The following LY75 variants were observed in gnomAD, a reference collection of about 807,000 sequenced individuals.
LY75 encodes C-type lectin domain family 13 member B.
LY75 carries 185 observed loss-of-function variants against 231.7 expected under a neutral mutation model. The ratio of observed to expected loss-of-function variants is 0.80; its 90% CI spans 0.71 to 0.90. The LOEUF (loss-of-function observed/expected upper bound fraction) is 0.90, where lower values mean the gene tolerates loss of function less well. Among genes scored for constraint, LY75 ranks in the 40% least tolerant of loss-of-function variants. LY75 has a pLI of 0.00. For missense variants in LY75, 1,947 were observed against 2,050.2 expected (o/e 0.95, Z 0.97); for synonymous variants, 668 against 689.0 (o/e 0.97, Z 0.48).
chr2:159,888,619 A>G (rs1685663948), intron 4 of LY75, among the ~76,000 whole-genome samples: 1 of 152,222 alleles, frequency 6.6e-6, no homozygotes, highest in South Asian at 2.1e-4. Context: ...ATAGTGTGAC[A>G]GAATGCATCT....
At position 159,835,491 on chromosome 2, in the gene LY75, T is replaced by C. The variant is rs781385618; in HGVS notation, c.3662A>G (p.Tyr1221Cys). The C allele has an allele frequency of 6.2e-7, 1 of 1,605,598 alleles. No homozygotes were observed. The highest frequency in any genetic ancestry group is 8.5e-7 in the Non-Finnish European group (1 of 1,177,084). The change falls in exon 26 of 35, where the codon TAC (tyrosine) becomes TGC (cysteine). Residue 1221 changes from tyrosine to cysteine, a missense_variant. Physicochemically the swap from Tyr to Cys is radical, Grantham distance 194. Coordinates refer to ENST00000263636, the MANE Select transcript of LY75 (RefSeq NM_002349.4). ...TGAAATTCACATACTTCCTGAATAG[T>C]AGCAAATAGCACCTGGTTGATTGTC... is the stretch of plus-strand genomic sequence containing the variant. ...CNDNQPGAIC[Y>C]YSGNETEKEV...
At chr2:159,821,513 G>A (rs996473701) in intron 28 of LY75, among the ~76,000 whole-genome samples, 1 of 151,772 alleles carries the variant, frequency 6.6e-6, no homozygotes, top group Non-Finnish European at 1.5e-5. Flanking sequence ...GTACTCAGAA[G>A]GCTGAGGCTG....
At chr2:159,849,946 G>T (rs1222973766) in intron 23 of LY75, 34 bp downstream of exon 23, 6 of 1,601,566 alleles carry the variant, frequency 3.7e-6, no homozygotes, top group Non-Finnish European at 5.1e-6. Flanking sequence ...ATTTCACAGA[G>T]GTATGAAGAG....
At chr2:159,880,935 G>A in intron 8 of LY75, 148 bp downstream of exon 8, 1 of 945,366 alleles carries the variant, frequency 1.1e-6, no homozygotes, top group Non-Finnish European at 1.5e-6. Flanking sequence ...ATTCTTAACA[G>A]GTAATGGTCC....
intron 11 of LY75, among the ~76,000 whole-genome samples, chr2:159,877,500 G>A (rs868538940): frequency 3.3e-5 from 5 of 152,068 alleles, no homozygotes; most frequent in Admixed American, 6.6e-5. Context: ...GGTCCTTTCC[G>A]GCTTAAGTGT....
chr2:159,870,926 ATCTG>A (rs1012953368), intron 13 of LY75, among the ~76,000 whole-genome samples: 1 of 152,032 alleles, frequency 6.6e-6, no homozygotes, highest in African/African-American at 2.4e-5. Context: ...CTCTTTGATA[ATCTG>A]TCTTTTCCTC....
rs893649774 is a variant in LY75 at position 159,803,817 on chromosome 2, C to G, written c.*1227G>C. ...GTTTAGAGTTCCACTGAAAAAGTCT[C>G]ATTTTTACAAATGCAACTCATACAC... On this transcript the variant is annotated 3_prime_UTR_variant, in exon 35 of 35. Coordinates refer to ENST00000263636, the MANE Select transcript of LY75 (RefSeq NM_002349.4). 1 of 152,206 alleles carries G rather than the reference C, an allele frequency of 6.6e-6. No homozygotes were observed. The highest frequency in any genetic ancestry group is 1.5e-5 in the Non-Finnish European group (1 of 68,024). The allele number at this position is 152,206 out of a possible 1,614,324, so 9.4% of individuals were successfully genotyped here.
At chr2:159,898,397 G>A (rs1169349101) in intron 2 of LY75, among the ~76,000 whole-genome samples, 1 of 119,284 alleles carries the variant, frequency 8.4e-6, no homozygotes, top group Admixed American at 1.0e-4. Flanking sequence ...GGGTTTAGAA[G>A]ACCATCATAA....
intron 28 of LY75, among the ~76,000 whole-genome samples, chr2:159,828,557 A>C (rs1184308536): frequency 6.6e-6 from 1 of 152,232 alleles, no homozygotes; most frequent in African/African-American, 2.4e-5. Flanking sequence ...GGAAAATGGT[A>C]TAGCTGGTTT....
At chr2:159,895,084 G>C (rs1214537468) in intron 2 of LY75, among the ~76,000 whole-genome samples, 4 of 152,292 alleles carry the variant, frequency 2.6e-5, no homozygotes, top group African/African-American at 9.6e-5. Flanking sequence ...ATGTCTCACA[G>C]ATTTGCTTAA....
intron 23 of LY75, among the ~76,000 whole-genome samples, chr2:159,845,960 C>T (rs1002506807): frequency 6.7e-6 from 1 of 150,098 alleles, no homozygotes; most frequent in African/African-American, 2.5e-5. Context: ...ATATTGTTTT[C>T]TCTCTCTTTT....
intron 16 of LY75, among the ~76,000 whole-genome samples, chr2:159,855,493 A>G (rs1473523079): frequency 1.3e-5 from 2 of 152,226 alleles, no homozygotes; most frequent in Non-Finnish European, 2.9e-5. Context: ...GAAAATAATT[A>G]AAAGTGACTC....
chr2:159,894,622 T>C (rs962054184), intron 2 of LY75, among the ~76,000 whole-genome samples: 2 of 152,176 alleles, frequency 1.3e-5, no homozygotes, highest in African/African-American at 2.4e-5. Flanking sequence ...GGAGGTAGAA[T>C]TGAGACTGTG....
At chr2:159,828,654 A>G (rs912064413) in intron 28 of LY75, among the ~76,000 whole-genome samples, 1 of 152,246 alleles carries the variant, frequency 6.6e-6, no homozygotes, top group Non-Finnish European at 1.5e-5. Flanking sequence ...AAATGGAAAC[A>G]TATGTCCATG....
In LY75 at chr2:159,854,425, G is replaced by A. The variant is rs749000126; in HGVS notation, c.2530C>T (p.His844Tyr). The A allele has an allele frequency of 1.9e-6, 3 of 1,566,526 alleles. No homozygotes were observed. In the South Asian group the frequency reaches 3.6e-5, roughly 19 times the overall value. ...GATGTTATAGTTGCAAGAAAGCTGTGATTGCTGGCACAGTACAGGACGGCT... is the reference window on the plus strand; with the variant it reads ...GATGTTATAGTTGCAAGAAAGCTGTAATTGCTGGCACAGTACAGGACGGCT... ...EEAVLYCASNHSFLATITSFV... is the reference protein window; with the variant it reads ...EEAVLYCASNYSFLATITSFV... The change falls in exon 18 of 35, where the codon CAC becomes TAC. Residue 844 changes from histidine (H) to tyrosine (Y), a missense_variant. Coordinates refer to ENST00000263636, the MANE Select transcript of LY75 (RefSeq NM_002349.4).
At chr2:159,865,248 T>C (rs1025345944) in intron 13 of LY75, among the ~76,000 whole-genome samples, 3 of 152,300 alleles carry the variant, frequency 2.0e-5, no homozygotes, top group South Asian at 4.1e-4. Flanking sequence ...AAGGCAACAA[T>C]GGCATTTCTT....
intron 6 of LY75, among the ~76,000 whole-genome samples, chr2:159,883,528 C>T (rs1685501149): frequency 6.6e-6 from 1 of 152,096 alleles, no homozygotes; most frequent in African/African-American, 2.4e-5. Context: ...CATATTTTTA[C>T]AAGATTAAAA....
At chr2:159,880,566 T>C (rs752447629) in intron 8 of LY75, among the ~76,000 whole-genome samples, 6 of 152,230 alleles carry the variant, frequency 3.9e-5, no homozygotes, top group Non-Finnish European at 5.9e-5. Flanking sequence ...CTGTATCTGT[T>C]TGAGACCAGA....
intron 1 of LY75, among the ~76,000 whole-genome samples, chr2:159,899,432 G>T (rs1686006584): frequency 6.6e-6 from 1 of 152,214 alleles, no homozygotes; most frequent in Admixed American, 6.5e-5. Context: ...GCTATTTCAT[G>T]AAAGATTTTT....
Sources: allele counts gnomAD v4.1 joint callset (sites outside exome capture counted in the v4.1 genomes callset), GRCh38; gene constraint gnomAD v4.1.1; transcripts MANE v1.5; gene names NCBI Gene and HGNC (gene_info 2026-07-23, HGNC 2026-07-21).